Variants in RASEF observed in about 807,000 individuals in gnomAD.
The protein encoded by RASEF is ras and EF-hand domain-containing protein.
RASEF carries 68 observed loss-of-function variants against 90.1 expected under a neutral mutation model. The observed-to-expected ratio is 0.75, with a 90% CI of 0.62 to 0.92. The LOEUF (loss-of-function observed/expected upper bound fraction) is 0.92. RASEF is among the 40% of genes least tolerant of loss of function. The pLI is 0.00. For synonymous variants in RASEF, 331 were observed against 345.2 expected (o/e 0.96, Z 0.46); for missense variants, 949 against 937.2 (o/e 1.01, Z -0.16).
chr9:83,059,279 C>T (rs1372166133), intron 1 of RASEF, among the ~76,000 whole-genome samples: 1 of 148,918 alleles, frequency 6.7e-6, no homozygotes, highest in Non-Finnish European at 1.5e-5. Context: ...TACACACACA[C>T]ACACACACAC....
At chr9:83,025,748 C>G (rs1055996338) in intron 2 of RASEF, 27 bp downstream of exon 2, 1 of 1,607,952 alleles carries the variant, frequency 6.2e-7, no homozygotes, top group East Asian at 2.2e-5. Context: ...CACCCACAGG[C>G]CACTTATAAA....
chr9:83,145,255 G>A, the RASEF span, among the ~76,000 whole-genome samples: 11 of 152,134 alleles, frequency 7.2e-5, no homozygotes, highest in African/African-American at 2.2e-4. Flanking sequence ...ATAATCAAAC[G>A]TCCATGTCTC....
At chr9:83,205,674 T>C in the RASEF span, among the ~76,000 whole-genome samples, 2 of 152,216 alleles carry the variant, frequency 1.3e-5, no homozygotes, top group African/African-American at 4.8e-5. Context: ...TCTTCTTCCC[T>C]TGGTACAGTA....
At chr9:83,076,121 T>A in the RASEF span, among the ~76,000 whole-genome samples, 2 of 149,352 alleles carry the variant, frequency 1.3e-5, no homozygotes, top group Non-Finnish European at 3.0e-5. Flanking sequence ...TGAGCCGAGA[T>A]GGCGCCACTG....
chr9:83,000,347 G>T (rs144744360), intron 11 of RASEF, 31 bp from the exon 12 acceptor site: 29 of 1,611,400 alleles, frequency 1.8e-5, no homozygotes, highest in Non-Finnish European at 2.1e-5. Flanking sequence ...GAATGATAAC[G>T]GTATTGCCAG....
At chr9:83,071,692 C>T in the RASEF span, among the ~76,000 whole-genome samples, 3 of 152,166 alleles carry the variant, frequency 2.0e-5, no homozygotes, top group Non-Finnish European at 4.4e-5. Flanking sequence ...AGGTGTGAGC[C>T]ACTGCACACG....
chr9:83,154,379 G>A, the RASEF span, among the ~76,000 whole-genome samples: 1 of 152,224 alleles, frequency 6.6e-6, no homozygotes, highest in South Asian at 2.1e-4. Flanking sequence ...AACCTTTCTA[G>A]AACCCTTTCT....
the RASEF span, among the ~76,000 whole-genome samples, chr9:83,104,511 A>C: frequency 6.6e-6 from 1 of 152,216 alleles, no homozygotes; most frequent in South Asian, 2.1e-4. Flanking sequence ...GTATGCAACC[A>C]CAGAGCACTC....
chr9:83,113,814 C>T, the RASEF span, among the ~76,000 whole-genome samples: 5 of 152,190 alleles, frequency 3.3e-5, no homozygotes, highest in Admixed American at 6.5e-5. Context: ...CAAGACAATA[C>T]GTGCACAGTG....
At position 83,015,916 on chromosome 9, in the gene RASEF, A is replaced by G; in HGVS notation, c.670-16T>C. 6.3e-7 allele frequency: 1 copy of G among 1,584,864 alleles called. No homozygotes were observed. Among genetic ancestry groups the G allele is most frequent in the South Asian group, 1.1e-5 (1 of 90,486 alleles). ...TGCGTTTTTCCTAAAAGAAAAAAAAATATGTTGTTCATTTAAATAAGTTCA... is the reference window on the plus strand; with the variant it reads ...TGCGTTTTTCCTAAAAGAAAAAAAAGTATGTTGTTCATTTAAATAAGTTCA... On this transcript the variant is annotated splice_polypyrimidine_tract_variant and intron_variant, in intron 3 of 16. Transcript: ENST00000376447.
intron 1 of RASEF, among the ~76,000 whole-genome samples, chr9:83,059,044 C>A (rs1451082448): frequency 1.3e-5 from 2 of 152,090 alleles, no homozygotes. Flanking sequence ...GATACCTGTG[C>A]CCACTCACAG....
rs1343061515 is a variant in RASEF at position 82,982,512 on chromosome 9, G to A, written c.*165C>T. On this transcript the variant is annotated 3_prime_UTR_variant, in exon 17 of 17. Transcript: ENST00000376447. Reference sequence around the variant, plus strand: ...TCACTCACTGAGACAAAACAAAGAAGAGCCAAAGTTCCAGAGGGACCTGAG... The same window carrying A: ...TCACTCACTGAGACAAAACAAAGAAAAGCCAAAGTTCCAGAGGGACCTGAG... 7.2e-6 allele frequency: 4 copies of A among 556,450 alleles called. No individual in the cohort carries two copies. Among genetic ancestry groups the A allele is most frequent in the Non-Finnish European group, 1.3e-5 (4 of 306,642 alleles). 34.5% of individuals were successfully genotyped at this position (556,450 alleles called of 1,614,324 possible).
intron 1 of RASEF, among the ~76,000 whole-genome samples, chr9:83,039,891 G>T (rs927772812): frequency 6.6e-6 from 1 of 152,134 alleles, no homozygotes; most frequent in Admixed American, 6.5e-5. Flanking sequence ...TCCATGATAT[G>T]GTTTGGCTCT....
chr9:83,107,378 C>A, the RASEF span, among the ~76,000 whole-genome samples: 1 of 152,196 alleles, frequency 6.6e-6, no homozygotes, highest in South Asian at 2.1e-4. Context: ...ATGAATCTTT[C>A]CCACTGGAAT....
Position 82,990,407 on chromosome 9 carries a change from C to T in RASEF, c.2101G>A (p.Val701Ile). The T allele has an allele frequency of 3.7e-6, 6 of 1,613,512 alleles. No homozygotes were observed. Among genetic ancestry groups the T allele is most frequent in the Non-Finnish European group, 5.1e-6 (6 of 1,179,528 alleles). The change falls in exon 16 of 17, where the codon GTT (valine) becomes ATT (isoleucine). Residue 701 changes from valine to isoleucine, a missense_variant. Physicochemically the swap from Val to Ile is conservative, Grantham distance 29. Around this residue, in one of 3 missense-constraint regions of RASEF, gnomAD observed 288 missense variants for 328.4 expected, o/e 0.88. Coordinates refer to ENST00000376447, the MANE Select transcript of RASEF (RefSeq NM_152573.4). Reference protein sequence around the residue: ...AKDGSNIVEAVLHLAREVKKR... With the variant: ...AKDGSNIVEAILHLAREVKKR... Reference sequence around the variant, plus strand: ...AAACTTTACCGAGCAAGGTGCAGAACAGCCTCCACTATGTTAGAACCATCT... The same window carrying T: ...AAACTTTACCGAGCAAGGTGCAGAATAGCCTCCACTATGTTAGAACCATCT...
the RASEF span, among the ~76,000 whole-genome samples, chr9:83,208,115 T>C: frequency 6.6e-6 from 1 of 152,312 alleles, no homozygotes; most frequent in East Asian, 1.9e-4. Flanking sequence ...GGGCTGTACG[T>C]TGACCTTCAG....
intron 1 of RASEF, among the ~76,000 whole-genome samples, chr9:83,040,643 C>T (rs911792259): frequency 2.0e-5 from 3 of 152,096 alleles, no homozygotes; most frequent in Non-Finnish European, 4.4e-5. Context: ...AAATATATTT[C>T]CTGAATTAGC....
chr9:82,993,122 G>C (rs1828846062), intron 14 of RASEF, 97 bp from the exon 15 acceptor site: 2 of 1,319,578 alleles, frequency 1.5e-6, no homozygotes, highest in Non-Finnish European at 2.1e-6. Flanking sequence ...TTTTCCCTTT[G>C]CCTCCTTTGT....
chr9:83,047,106 G>A (rs992648629), intron 1 of RASEF, among the ~76,000 whole-genome samples: 2 of 152,128 alleles, frequency 1.3e-5, no homozygotes, highest in African/African-American at 4.8e-5. Flanking sequence ...ATTGAAGATA[G>A]TGGCTGCTCT....
Sources: gnomAD v4.1 joint callset for allele counts (sites outside exome capture counted in the v4.1 genomes callset) on GRCh38, gnomAD v4.1.1 for gene constraint, gnomAD v4.1.1 regional missense constraint, MANE v1.5 for transcripts, NCBI Gene and HGNC (gene_info 2026-07-23, HGNC 2026-07-21) for gene names.